MACROD2: variants seen among roughly 807,000 people sequenced by gnomAD.
MACROD2 encodes mono-ADP ribosylhydrolase 2.
MACROD2 carries 36 observed loss-of-function variants against 70.4 expected under a neutral mutation model. The observed-to-expected ratio is 0.51, with a 90% CI of 0.39 to 0.68. MACROD2 has a LOEUF of 0.68. Among genes scored for constraint, MACROD2 ranks in the 30% least tolerant of loss-of-function variants. MACROD2 has a pLI of 0.00. For missense variants in MACROD2, 496 were observed against 538.4 expected, an observed-to-expected ratio of 0.92 and a Z score of 0.78; for synonymous variants, 172 against 178.8, an observed-to-expected ratio of 0.96 and a Z score of 0.30.
chr20:14,252,547 A>C (rs2082021699), intron 3 of MACROD2, among the ~76,000 whole-genome samples: 1 of 151,742 alleles, frequency 6.6e-6, no homozygotes, highest in South Asian at 2.1e-4. Context: ...CTTTCCCCTC[A>C]CTTGTATATA....
chr20:15,896,516 C>T (rs1443256848), intron 10 of MACROD2, among the ~76,000 whole-genome samples: 2 of 148,328 alleles, frequency 1.3e-5, no homozygotes. Flanking sequence ...CAAGTCCACG[C>T]AGTTTGTTAA....
chr20:14,177,943 G>A (rs762848765), intron 3 of MACROD2, among the ~76,000 whole-genome samples: 2 of 152,088 alleles, frequency 1.3e-5, no homozygotes, highest in African/African-American at 2.4e-5. Context: ...TTTGTATAGG[G>A]AAAGGCTTTT....
chr20:14,720,536 C>CCTTTT (rs2071453300), intron 5 of MACROD2, among the ~76,000 whole-genome samples: 3 of 35,946 alleles, frequency 8.3e-5, no homozygotes, highest in Non-Finnish European at 9.6e-5. Flanking sequence ...TGCCCCACAA[C>CCTTTT]TTTTTTTTTT....
intron 3 of MACROD2, among the ~76,000 whole-genome samples, chr20:14,086,728 T>C (rs1322709098): frequency 6.6e-6 from 1 of 152,128 alleles, no homozygotes; most frequent in Non-Finnish European, 1.5e-5. Context: ...GAATGGTAAA[T>C]GGGGACAAAG....
intron 3 of MACROD2, chr20:14,329,273 T>C (rs2082791652): frequency 6.6e-6 from 1 of 152,124 alleles, no homozygotes; most frequent in East Asian, 1.9e-4. Flanking sequence ...AAAGGAGGCA[T>C]ACTAAATTTC....
chr20:15,245,226 G>A (rs546605117), intron 6 of MACROD2, among the ~76,000 whole-genome samples: 1 of 152,278 alleles, frequency 6.6e-6, no homozygotes, highest in Non-Finnish European at 1.5e-5. Flanking sequence ...CTTCTTTTCA[G>A]GTTAATGGTT....
At chr20:14,470,278 C>T (rs375119931) in intron 3 of MACROD2, among the ~76,000 whole-genome samples, 11 of 152,242 alleles carry the variant, frequency 7.2e-5, no homozygotes, top group African/African-American at 2.6e-4. Context: ...GCAAAGATTG[C>T]TGTCTTTTCC....
At chr20:14,000,154 G>A (rs894916827) in intron 1 of MACROD2, among the ~76,000 whole-genome samples, 10 of 152,044 alleles carry the variant, frequency 6.6e-5, no homozygotes, top group Non-Finnish European at 1.3e-4. Context: ...GCTTCCTTCC[G>A]TTCCCTCTTC....
intron 3 of MACROD2, among the ~76,000 whole-genome samples, chr20:14,447,493 G>A (rs1168227366): frequency 1.3e-5 from 2 of 152,004 alleles, no homozygotes; most frequent in African/African-American, 2.4e-5. Context: ...ATGTGTGTAC[G>A]TACACGTGTG....
intron 3 of MACROD2, among the ~76,000 whole-genome samples, chr20:14,184,506 T>C (rs986161910): frequency 6.6e-6 from 1 of 151,980 alleles, no homozygotes; most frequent in African/African-American, 2.4e-5. Flanking sequence ...CGTAGGCTAT[T>C]TGGTTTTTTT....
chr20:14,124,750 A>T (rs1406422341), intron 3 of MACROD2, among the ~76,000 whole-genome samples: 1 of 152,182 alleles, frequency 6.6e-6, no homozygotes, highest in East Asian at 1.9e-4. Flanking sequence ...TTCCTCAAAA[A>T]GTTAAATATA....
At chr20:14,820,357 CTTTTT>C (rs11475238) in intron 5 of MACROD2, among the ~76,000 whole-genome samples, 18 of 116,140 alleles carry the variant, frequency 1.5e-4, no homozygotes, top group African/African-American at 5.5e-4. Context: ...ATTTTTCTTC[CTTTTT>C]TTTTTTTTTT....
intron 5 of MACROD2, among the ~76,000 whole-genome samples, chr20:14,719,669 A>T (rs1457068072): frequency 6.6e-6 from 1 of 152,282 alleles, no homozygotes; most frequent in South Asian, 2.1e-4. Context: ...AAAAAAAATG[A>T]GTGCCATAAT....
chr20:14,265,496 CT>C (rs1029215168), intron 3 of MACROD2, among the ~76,000 whole-genome samples: 5 of 151,758 alleles, frequency 3.3e-5, no homozygotes, highest in East Asian at 1.9e-4. Context: ...ATCTAAGGGA[CT>C]TTTTTTTCAC....
intron 15 of MACROD2, among the ~76,000 whole-genome samples, chr20:16,025,370 T>C (rs1027943138): frequency 6.6e-6 from 1 of 152,240 alleles, no homozygotes; most frequent in African/African-American, 2.4e-5. Flanking sequence ...AAAGAACATC[T>C]GTTTGTTGTC....
intron 5 of MACROD2, among the ~76,000 whole-genome samples, chr20:14,720,847 C>T (rs573604617): frequency 6.0e-4 from 91 of 152,044 alleles, no homozygotes; most frequent in African/African-American, 2.0e-3. Flanking sequence ...CCACTGCTCC[C>T]GCCCACAAAA....
At chr20:14,798,499 T>C (rs890539646) in intron 5 of MACROD2, among the ~76,000 whole-genome samples, 2 of 152,058 alleles carry the variant, frequency 1.3e-5, no homozygotes, top group African/African-American at 4.8e-5. Flanking sequence ...AGTTATATAA[T>C]TGATCAGAGA....
intron 6 of MACROD2, among the ~76,000 whole-genome samples, chr20:15,233,479 T>G (rs1198266315): frequency 6.6e-6 from 1 of 152,126 alleles, no homozygotes; most frequent in Non-Finnish European, 1.5e-5. Context: ...GGAAATGTTA[T>G]AGTCATACAT....
rs534944258 is a variant in MACROD2, at chr20:15,995,943, G to A, written c.1153+8785G>A. Among the ~76,000 whole-genome samples, 3 of 151,684 alleles carry A rather than the reference G, an allele frequency of 2.0e-5. No individual in the cohort carries two copies. The East Asian group carries it at 5.8e-4, about 29-fold the overall frequency. On this transcript the variant is annotated intron_variant, in intron 15 of 17. Transcript: ENST00000684519. ...GCACTTAGGTTGTTTCTGTGTCCTG[G>A]ATATTATGAATAATGCTGCAATGAA...
Sources: allele counts gnomAD v4.1 joint callset (sites outside exome capture counted in the v4.1 genomes callset), GRCh38; gene constraint gnomAD v4.1.1; transcripts MANE v1.5; gene names NCBI Gene and HGNC (gene_info 2026-07-23, HGNC 2026-07-21).